Variants in CABIN1 observed in about 807,000 individuals in gnomAD.
The protein encoded by CABIN1 is calcineurin binding protein 1.
In CABIN1, 133 loss-of-function variants were observed where a neutral mutation model predicts 227.7. That is an observed-to-expected ratio of 0.58 (90% CI 0.51 to 0.67). CABIN1 has a LOEUF of 0.67. Ranked by LOEUF, CABIN1 falls within the 30% of genes least tolerant of loss-of-function variation. The probability of loss-of-function intolerance (pLI) is 0.00; values close to 1 mark genes in which losing one functional copy is unlikely to be tolerated. For synonymous variants in CABIN1, 1,086 were observed against 1,155.1 expected (o/e 0.94, Z 1.21); for missense variants, 2,408 against 2,852.5 (o/e 0.84, Z 3.55).
At chr22:24,100,003 T>C (rs2042111380) in intron 26 of CABIN1, among the ~76,000 whole-genome samples, 1 of 152,262 alleles carries the variant, frequency 6.6e-6, no homozygotes, top group Non-Finnish European at 1.5e-5. Flanking sequence ...GGTGAGCCAC[T>C]GCAGATCACT....
At chr22:24,146,502 G>T (rs1276658272) in intron 29 of CABIN1, among the ~76,000 whole-genome samples, 4 of 152,094 alleles carry the variant, frequency 2.6e-5, no homozygotes, top group African/African-American at 9.7e-5. Flanking sequence ...GTGGAGAGGG[G>T]GTGCTTCCTG....
intron 26 of CABIN1, among the ~76,000 whole-genome samples, chr22:24,112,422 G>A (rs1301131887): frequency 6.6e-6 from 1 of 152,146 alleles, no homozygotes; most frequent in East Asian, 1.9e-4. Context: ...GTTACCTTGT[G>A]CTTAGTAGGG....
intron 16 of CABIN1, among the ~76,000 whole-genome samples, chr22:24,069,897 C>T (rs906912161): frequency 6.6e-6 from 1 of 152,106 alleles, no homozygotes; most frequent in African/African-American, 2.4e-5. Context: ...GCTGCCAGGC[C>T]TGGGCTGTGG....
chr22:24,156,175 C>T, intron 29 of CABIN1: 1 of 392,170 alleles, frequency 2.5e-6, no homozygotes, highest in Non-Finnish European at 4.5e-6. Context: ...GTCTGGGTCT[C>T]CACTTTGCTG....
intron 1 of CABIN1, among the ~76,000 whole-genome samples, chr22:24,018,523 GT>G (rs1182675554): frequency 6.6e-6 from 1 of 152,164 alleles, no homozygotes; most frequent in African/African-American, 2.4e-5. Flanking sequence ...AGTGAATACT[GT>G]TCCAGCAGTA....
At chr22:24,097,025 G>T (rs916837202) in intron 25 of CABIN1, among the ~76,000 whole-genome samples, 14 of 152,236 alleles carry the variant, frequency 9.2e-5, no homozygotes, top group Non-Finnish European at 1.9e-4. Flanking sequence ...TCCACAGTCG[G>T]TGTGCCCCTC....
chr22:24,120,736 C>T (rs1394469281), intron 28 of CABIN1, among the ~76,000 whole-genome samples: 2 of 152,150 alleles, frequency 1.3e-5, no homozygotes, highest in African/African-American at 4.8e-5. Flanking sequence ...TTGCTCGAAC[C>T]CGGGAGGCAG....
chr22:24,090,517 A>ATTTT (rs11356877), intron 23 of CABIN1, among the ~76,000 whole-genome samples: 4 of 122,406 alleles, frequency 3.3e-5, no homozygotes, highest in African/African-American at 3.1e-5. Flanking sequence ...CTGTGTGGTC[A>ATTTT]TTTTTTTTTT....
intron 25 of CABIN1, among the ~76,000 whole-genome samples, chr22:24,097,781 A>G (rs1346250122): frequency 6.6e-6 from 1 of 152,194 alleles, no homozygotes; most frequent in Non-Finnish European, 1.5e-5. Flanking sequence ...AAATTCAGAG[A>G]TGCAGGTCGC....
intron 1 of CABIN1, among the ~76,000 whole-genome samples, chr22:24,021,176 T>A (rs2035698035): frequency 6.6e-6 from 1 of 151,492 alleles, no homozygotes; most frequent in African/African-American, 2.4e-5. Flanking sequence ...ATTTTTATTT[T>A]ATTTATTTAT....
At chr22:24,066,658 A>G (rs1487243796) in intron 15 of CABIN1, among the ~76,000 whole-genome samples, 8 of 152,172 alleles carry the variant, frequency 5.3e-5, no homozygotes. Flanking sequence ...CAGTTCTGCA[A>G]GACTGGTTCG....
chr22:24,131,517 T>C (rs754595606), intron 28 of CABIN1, among the ~76,000 whole-genome samples: 7 of 152,180 alleles, frequency 4.6e-5, no homozygotes, highest in Non-Finnish European at 1.0e-4. Context: ...CCCTGCCTCA[T>C]AGCACCCTGG....
intron 26 of CABIN1, among the ~76,000 whole-genome samples, chr22:24,109,446 G>T (rs2042694006): frequency 6.6e-6 from 1 of 151,842 alleles, no homozygotes; most frequent in East Asian, 1.9e-4. Flanking sequence ...GAACTGCTGG[G>T]CTCAAGCAAT....
chr22:24,170,043 G>A (rs1312623465), intron 33 of CABIN1: 3 of 444,296 alleles, frequency 6.8e-6, no homozygotes, highest in Non-Finnish European at 1.4e-5. Context: ...GCCAGGCCAG[G>A]CCCCAGCAGT....
chr22:24,052,714 G>A (rs1264122745), intron 8 of CABIN1, among the ~76,000 whole-genome samples: 9 of 151,564 alleles, frequency 5.9e-5, no homozygotes, highest in Non-Finnish European at 1.2e-4. Context: ...TGCTTGAGCC[G>A]GGGAAGTCAA....
Position 24,050,810 on chromosome 22 carries a change from C to CT in CABIN1, c.657-14dup. The CT allele has an allele frequency of 6.2e-7, 1 of 1,614,116 alleles. No individual in the cohort carries two copies. The highest frequency in any genetic ancestry group is 1.1e-5 in the South Asian group (1 of 91,060). On this transcript the variant is annotated splice_polypyrimidine_tract_variant and intron_variant, in intron 7 of 36. Coordinates refer to ENST00000263119, the MANE Select transcript of CABIN1 (RefSeq NM_012295.4). ...TTGTAACATGATAATTTCTCCCTGT[C>CT]TCACATGCTTTTAGTGACATGTCGA...
At chr22:24,041,356 AAAG>A (rs2037359554) in intron 5 of CABIN1, 83 bp downstream of exon 5, 3 of 1,567,030 alleles carry the variant, frequency 1.9e-6, no homozygotes, top group Non-Finnish European at 2.6e-6. Flanking sequence ...TGTGGGCCAA[AAAG>A]AAGAGTTTGT....
At chr22:24,160,291 C>T (rs2046077015) in intron 29 of CABIN1, 3 of 152,360 alleles carry the variant, frequency 2.0e-5, no homozygotes, top group Admixed American at 6.5e-5. Flanking sequence ...CTGGCCTGCT[C>T]CTCTTGCTTA....
In CABIN1 at chr22:24,056,919, T is replaced by C. The variant is rs1601826505; in HGVS notation, c.1262+559T>C. ...GGACTTGGTCCCCAGTGCTTCTTAC[T>C]TAGGTTTTCACCAGTCCTTCTGCCT... is the stretch of plus-strand genomic sequence containing the variant. On this transcript the variant is annotated intron_variant, in intron 10 of 36. Coordinates refer to ENST00000263119, the MANE Select transcript of CABIN1 (RefSeq NM_012295.4). Among the ~76,000 whole-genome samples, 3 of 151,828 alleles carry C rather than the reference T, an allele frequency of 2.0e-5. No homozygotes were observed. In the South Asian group the frequency reaches 6.2e-4, roughly 32 times the overall value.
Sources: gnomAD v4.1 joint callset for allele counts (sites outside exome capture counted in the v4.1 genomes callset) on GRCh38, gnomAD v4.1.1 for gene constraint, MANE v1.5 for transcripts, NCBI Gene and HGNC (gene_info 2026-07-23, HGNC 2026-07-21) for gene names.